Variants in ITGBL1 observed in about 807,000 individuals in gnomAD.
ITGBL1 encodes integrin subunit beta like 1, also known as integrin beta-like protein 1.
A neutral mutation model predicts 68.5 loss-of-function variants in ITGBL1; 51 were observed. The ratio of observed to expected loss-of-function variants is 0.74; its 90% CI spans 0.59 to 0.94. The LOEUF is 0.94. ITGBL1 is among the 40% of genes least tolerant of loss of function. The pLI is 0.00. For missense variants in ITGBL1, 649 were observed against 647.4 expected, an observed-to-expected ratio of 1.00 and a Z score of -0.03; for synonymous variants, 209 against 227.3, an observed-to-expected ratio of 0.92 and a Z score of 0.72.
chr13:101,633,641 G>A (rs754616957), intron 7 of ITGBL1, among the ~76,000 whole-genome samples: 4 of 152,144 alleles, frequency 2.6e-5, no homozygotes, highest in Non-Finnish European at 5.9e-5. Flanking sequence ...AGAATGGCAC[G>A]TCACAGATAG....
intron 2 of ITGBL1, among the ~76,000 whole-genome samples, chr13:101,536,536 G>A (rs1566720750): frequency 6.6e-6 from 1 of 151,984 alleles, no homozygotes; most frequent in African/African-American, 2.4e-5. Flanking sequence ...TTAAGATTGA[G>A]TATAACTTTA....
At chr13:101,690,685 A>T (rs1352512205) in intron 7 of ITGBL1, among the ~76,000 whole-genome samples, 1 of 152,166 alleles carries the variant, frequency 6.6e-6, no homozygotes, top group African/African-American at 2.4e-5. Flanking sequence ...CTAGGTTCTA[A>T]AACCAACACT....
At chr13:101,526,170 A>T (rs1321933196) in intron 2 of ITGBL1, among the ~76,000 whole-genome samples, 11 of 66,766 alleles carry the variant, frequency 1.6e-4, no homozygotes, top group East Asian at 4.0e-4. Flanking sequence ...TTTTTTTTTT[A>T]AATACTTTAA....
At chr13:101,463,367 T>C (rs1203094400) in intron 2 of ITGBL1, among the ~76,000 whole-genome samples, 1 of 152,130 alleles carries the variant, frequency 6.6e-6, no homozygotes, top group Non-Finnish European at 1.5e-5. Context: ...ATCTGAGAGC[T>C]TACTGTATCA....
At chr13:101,640,354 T>C (rs2032319901) in intron 7 of ITGBL1, among the ~76,000 whole-genome samples, 1 of 152,182 alleles carries the variant, frequency 6.6e-6, no homozygotes, top group Non-Finnish European at 1.5e-5. Context: ...GGCAGTCTGT[T>C]TGACAGAAAA....
intron 7 of ITGBL1, among the ~76,000 whole-genome samples, chr13:101,627,896 A>G (rs2031841079): frequency 6.6e-6 from 1 of 152,198 alleles, no homozygotes; most frequent in African/African-American, 2.4e-5. Context: ...ATTATAATGT[A>G]GCTGCTGTAA....
chr13:101,575,728 T>G (rs1427650617), intron 4 of ITGBL1, among the ~76,000 whole-genome samples, 182 bp downstream of exon 4: 1 of 152,126 alleles, frequency 6.6e-6, no homozygotes, highest in Non-Finnish European at 1.5e-5. Flanking sequence ...AGACTAGTAC[T>G]TTTTAGATGC....
rs542843980 is a variant in ITGBL1 at position 101,467,890 on chromosome 13, TA to T, written c.316+13794del. On this transcript the variant is annotated intron_variant, in intron 2 of 10. Transcript: ENST00000376180. ...GAAAGGTAGGCTAAATTTTTTTTTT[TA>T]AAAGAGGTCAATGAGTTTGGGCATT... is the stretch of plus-strand genomic sequence containing the variant. 1.1e-4 allele frequency among the ~76,000 whole-genome samples: 16 copies of T among 152,164 alleles called. No homozygotes were observed. The South Asian group carries it at 3.3e-3, about 32-fold the overall frequency.
At chr13:101,576,343 G>A (rs1326847255) in intron 4 of ITGBL1, among the ~76,000 whole-genome samples, 1 of 152,130 alleles carries the variant, frequency 6.6e-6, no homozygotes, top group Non-Finnish European at 1.5e-5. Flanking sequence ...CACAAGAGGA[G>A]TCTCTCCTCA....
At chr13:101,453,171 A>C (rs998203641) in intron 1 of ITGBL1, among the ~76,000 whole-genome samples, 3 of 152,214 alleles carry the variant, frequency 2.0e-5, no homozygotes, top group Non-Finnish European at 2.9e-5. Context: ...TCTTTTCTGC[A>C]AATACATATC....
Position 101,714,513 on chromosome 13 carries a change from A to T in ITGBL1, c.1355A>T (p.Asp452Val). 1 of 1,611,558 alleles carries T rather than the reference A, an allele frequency of 6.2e-7. No homozygotes were observed. The highest frequency in any genetic ancestry group is 8.5e-7 in the Non-Finnish European group (1 of 1,177,756). Residue 452 changes from aspartate (D) to valine (V), a missense_variant, in exon 10 of 11, where the codon GAC becomes GTC. By Grantham distance (152) the Asp-to-Val change is radical. Coordinates refer to ENST00000376180, the MANE Select transcript of ITGBL1 (RefSeq NM_004791.3). ...YISGEFCDCD[D>V]RDCDKHDGLI... is the part of the protein sequence containing the mutation. The stretch of plus-strand genomic sequence containing the variant: ...TCTGGGGAGTTCTGTGACTGTGATG[A>T]CAGAGACTGCGACAAACATGATGGT...
At chr13:101,644,111 C>G (rs953055635) in intron 7 of ITGBL1, among the ~76,000 whole-genome samples, 1 of 152,096 alleles carries the variant, frequency 6.6e-6, no homozygotes, top group Non-Finnish European at 1.5e-5. Context: ...CATGCTTGGC[C>G]CTCCCTGTTG....
chr13:101,718,852 A>G (rs1444889900), downstream of ITGBL1: 1 of 151,794 alleles, frequency 6.6e-6, no homozygotes, highest in African/African-American at 2.4e-5. Flanking sequence ...TTGAAACCCT[A>G]CTCCATATTC....
chr13:101,650,822 G>A (rs1279257862), intron 7 of ITGBL1, among the ~76,000 whole-genome samples: 1 of 151,960 alleles, frequency 6.6e-6, no homozygotes, highest in African/African-American at 2.4e-5. Flanking sequence ...CCCAGTGTGT[G>A]TTCTGCTCCC....
At chr13:101,716,861 A>G (rs1312490554), downstream of ITGBL1, 1 of 152,056 alleles carries the variant, frequency 6.6e-6, no homozygotes, top group Admixed American at 6.6e-5. Context: ...TAGGAACAAA[A>G]TGTTTATTTT....
At chr13:101,540,146 G>T (rs987309336) in intron 2 of ITGBL1, among the ~76,000 whole-genome samples, 1 of 152,106 alleles carries the variant, frequency 6.6e-6, no homozygotes, top group African/African-American at 2.4e-5. Flanking sequence ...GTCCTGAATG[G>T]TATTGCCTAG....
Position 101,613,805 on chromosome 13 carries a change from C to T in ITGBL1, c.1015+15506C>T, listed in dbSNP as rs114868271. Among the ~76,000 whole-genome samples, 1,110 of 152,104 alleles carry T rather than the reference C, an allele frequency of 7.3e-3. 17 individuals carry two copies. The highest frequency in any genetic ancestry group is 0.025 in the African/African-American group (1,051 of 41,494). ...TTGTCTGCAATATGGCCTGGGCGTC[C>T]GGGATTTTAAAAGCTCCCTGGGTGA... On this transcript the variant is annotated intron_variant, in intron 7 of 10. Transcript: ENST00000376180.
chr13:101,681,730 A>G (rs1594976883), intron 7 of ITGBL1, among the ~76,000 whole-genome samples: 1 of 152,274 alleles, frequency 6.6e-6, no homozygotes, highest in East Asian at 1.9e-4. Context: ...ATGAAAAAAG[A>G]GGAATCCAAG....
chr13:101,565,322 T>A (rs2050167184), intron 2 of ITGBL1, among the ~76,000 whole-genome samples: 1 of 152,154 alleles, frequency 6.6e-6, no homozygotes, highest in Non-Finnish European at 1.5e-5. Flanking sequence ...GTCTGAATAC[T>A]ATTTTGTAAA....
Sources: allele counts gnomAD v4.1 joint callset (sites outside exome capture counted in the v4.1 genomes callset), GRCh38; gene constraint gnomAD v4.1.1; transcripts MANE v1.5; gene names NCBI Gene and HGNC (gene_info 2026-07-23, HGNC 2026-07-21).